Variants in NCK2 observed in about 807,000 individuals in gnomAD.
The protein encoded by NCK2 is cytoplasmic protein NCK2.
Under a neutral mutation model 33.9 loss-of-function variants are expected in NCK2, and 16 were observed. The observed-to-expected ratio is 0.47, with a 90% confidence interval of 0.32 to 0.72. The LOEUF is 0.72. Ranked by LOEUF, NCK2 falls within the 30% of genes least tolerant of loss-of-function variation. NCK2 has a pLI of 0.03. For synonymous variants in NCK2, 273 were observed against 239.9 expected (o/e 1.14, Z -1.27); for missense variants, 418 against 537.3 (o/e 0.78, Z 2.19).
chr2:105,813,854 A>G (rs2104476630), intron 1 of NCK2, among the ~76,000 whole-genome samples: 1 of 152,346 alleles, frequency 6.6e-6, no homozygotes, highest in East Asian at 1.9e-4. Context: ...ATGAAGAGAT[A>G]CGTACGGTAT....
At chr2:105,841,426 G>T (rs961007176) in intron 2 of NCK2, among the ~76,000 whole-genome samples, 1 of 152,208 alleles carries the variant, frequency 6.6e-6, no homozygotes, top group Non-Finnish European at 1.5e-5. Flanking sequence ...ATGTAGAGGT[G>T]TAGGTAGGGT....
chr2:105,795,117 C>T (rs1691031286), intron 1 of NCK2, among the ~76,000 whole-genome samples: 1 of 152,196 alleles, frequency 6.6e-6, no homozygotes, highest in Non-Finnish European at 1.5e-5. Flanking sequence ...ACATCCCCGA[C>T]AGGGTGCTGC....
intron 3 of NCK2, among the ~76,000 whole-genome samples, chr2:105,871,028 A>G (rs1042566853): frequency 6.6e-6 from 1 of 152,028 alleles, no homozygotes; most frequent in Non-Finnish European, 1.5e-5. Flanking sequence ...CTGGCCTCCT[A>G]CTTTCGCTCA....
rs1573261761 is a variant in NCK2, at chr2:105,892,843, C to T, written c.949-139C>T. 27 of 608,164 alleles carry T rather than the reference C, an allele frequency of 4.4e-5. No homozygotes were observed. The East Asian group carries it at 7.8e-4, about 18-fold the overall frequency. The allele number at this position is 608,164 out of a possible 1,614,324, so 37.7% of individuals were successfully genotyped here. ...CCTGGGCAAAAGAGTGAAACTCCAT[C>T]TCAAAAAAAAAAAAAAAAGCAGAGA... On this transcript the variant is annotated intron_variant, in intron 4 of 4. Coordinates refer to ENST00000233154, the MANE Select transcript of NCK2 (RefSeq NM_003581.5).
intron 1 of NCK2, among the ~76,000 whole-genome samples, chr2:105,783,711 T>G (rs1333473439): frequency 1.3e-5 from 2 of 151,804 alleles, no homozygotes; most frequent in Non-Finnish European, 2.9e-5. Context: ...CAGATTATGT[T>G]TTTTTTTCGC....
At chr2:105,840,067 A>C (rs1676582296) in intron 2 of NCK2, among the ~76,000 whole-genome samples, 1 of 152,158 alleles carries the variant, frequency 6.6e-6, no homozygotes, top group Non-Finnish European at 1.5e-5. Context: ...TTGGGGAGGA[A>C]GTGGAGATGG....
intron 1 of NCK2, among the ~76,000 whole-genome samples, chr2:105,792,379 T>C (rs1386131495): frequency 6.6e-6 from 1 of 152,022 alleles, no homozygotes; most frequent in Non-Finnish European, 1.5e-5. Flanking sequence ...TCTAAGCCCC[T>C]ATAGACTCTA....
intron 2 of NCK2, among the ~76,000 whole-genome samples, chr2:105,831,804 A>G (rs915968709): frequency 2.6e-5 from 4 of 152,274 alleles, no homozygotes; most frequent in East Asian, 1.9e-4. Context: ...AGCTTGTAGT[A>G]TATTTTGAAG....
At position 105,807,271 on chromosome 2, in the gene NCK2, A is replaced by G. The variant is rs962994790; in HGVS notation, c.-200-9159A>G. On this transcript the variant is annotated intron_variant, in intron 1 of 4. Coordinates refer to ENST00000233154, the MANE Select transcript of NCK2 (RefSeq NM_003581.5). Reference sequence around the variant, plus strand: ...CCCTCGCAGACATCATGTTCTCTCTAAGATTCATAGGTGGTTCTAAAATCA... The same window carrying G: ...CCCTCGCAGACATCATGTTCTCTCTGAGATTCATAGGTGGTTCTAAAATCA... 3.3e-5 allele frequency among the ~76,000 whole-genome samples: 5 copies of G among 152,150 alleles called. No homozygotes were observed. In the South Asian group the frequency reaches 6.2e-4, roughly 19 times the overall value.
intron 1 of NCK2, among the ~76,000 whole-genome samples, chr2:105,804,297 A>G (rs1169192320): frequency 6.6e-6 from 1 of 152,236 alleles, no homozygotes. Context: ...TGATGTTTGC[A>G]CTGGATGAGG....
At chr2:105,787,359 C>T (rs1373723832) in intron 1 of NCK2, among the ~76,000 whole-genome samples, 4 of 152,144 alleles carry the variant, frequency 2.6e-5, no homozygotes, top group Non-Finnish European at 4.4e-5. Flanking sequence ...CCCAGTGTGA[C>T]TATATTTGGA....
chr2:105,793,131 A>G (rs1413002754), intron 1 of NCK2, among the ~76,000 whole-genome samples: 1 of 152,174 alleles, frequency 6.6e-6, no homozygotes, highest in Non-Finnish European at 1.5e-5. Context: ...TTGGCTTCTC[A>G]GTCCATGAGA....
chr2:105,860,305 A>T (rs1677467090), intron 3 of NCK2, among the ~76,000 whole-genome samples: 1 of 152,122 alleles, frequency 6.6e-6, no homozygotes, highest in Non-Finnish European at 1.5e-5. Flanking sequence ...GCCATAAAAA[A>T]ACAAAAACAA....
In NCK2 at chr2:105,864,421, CAA is replaced by C. The variant is rs528821516; in HGVS notation, c.226+9133_226+9134del. 2.3e-4 allele frequency among the ~76,000 whole-genome samples: 35 copies of C among 152,142 alleles called. No homozygotes were observed. In the South Asian group the frequency reaches 7.3e-3, roughly 32 times the overall value. On this transcript the variant is annotated intron_variant, in intron 3 of 4. Transcript: ENST00000233154. ...ACCTCGGAGAAGTATTAGAATGACT[CAA>C]GAGTTTCCAGCCTGAAGGACCAACA...
At chr2:105,763,491 T>C (rs1689832828) in intron 1 of NCK2, among the ~76,000 whole-genome samples, 1 of 152,238 alleles carries the variant, frequency 6.6e-6, no homozygotes, top group African/African-American at 2.4e-5. Flanking sequence ...TTTATTTAAA[T>C]TGGATAAAAG....
intron 1 of NCK2, among the ~76,000 whole-genome samples, chr2:105,781,558 A>T (rs1465394206): frequency 1.3e-5 from 2 of 152,246 alleles, no homozygotes; most frequent in Non-Finnish European, 2.9e-5. Context: ...GCTGGCATGA[A>T]TCATGACCTG....
At chr2:105,793,700 C>T (rs1043027127) in intron 1 of NCK2, among the ~76,000 whole-genome samples, 2 of 152,238 alleles carry the variant, frequency 1.3e-5, no homozygotes, top group Admixed American at 6.5e-5. Context: ...CTCATTGCTG[C>T]TCAGGCTGCC....
At chr2:105,778,277 C>T (rs1406634224) in intron 1 of NCK2, among the ~76,000 whole-genome samples, 1 of 152,180 alleles carries the variant, frequency 6.6e-6, no homozygotes, top group Non-Finnish European at 1.5e-5. Flanking sequence ...TGGTAGTGAC[C>T]TTTGCCAACA....
At chr2:105,872,188 C>G (rs1487923015) in intron 3 of NCK2, among the ~76,000 whole-genome samples, 1 of 152,212 alleles carries the variant, frequency 6.6e-6, no homozygotes, top group Non-Finnish European at 1.5e-5. Context: ...CTGGAGAGCT[C>G]TATGCTCCTG....
Sources: gnomAD v4.1 joint callset for allele counts (sites outside exome capture counted in the v4.1 genomes callset) on GRCh38, gnomAD v4.1.1 for gene constraint, MANE v1.5 for transcripts, NCBI Gene and HGNC (gene_info 2026-07-23, HGNC 2026-07-21) for gene names.